The following ALG12 variants were observed in gnomAD, a reference collection of about 807,000 sequenced individuals.
ALG12 encodes the protein dol-P-Man:Man(7)GlcNAc(2)-PP-Dol alpha-1,6-mannosyltransferase.
In ALG12, 36 loss-of-function variants were observed where a neutral mutation model predicts 46.0. That is an observed-to-expected ratio of 0.78 (90% CI 0.60 to 1.03). ALG12 has a LOEUF of 1.03. Among genes scored for constraint, ALG12 ranks in the 50% least tolerant of loss-of-function variants. ALG12 has a pLI of 0.00. For missense variants in ALG12, 599 were observed against 633.5 expected (o/e 0.95, Z 0.58); for synonymous variants, 326 against 291.6 (o/e 1.12, Z -1.20).
At chr22:49,879,297 T>C in the ALG12 span, among the ~76,000 whole-genome samples, 3 of 150,412 alleles carry the variant, frequency 2.0e-5, no homozygotes, top group African/African-American at 7.4e-5. Flanking sequence ...GCTAATTTTT[T>C]TGTATTTTTA....
chr22:49,914,891 C>T (rs944629955), intron 1 of ALG12, among the ~76,000 whole-genome samples: 39 of 152,192 alleles, frequency 2.6e-4, no homozygotes, highest in African/African-American at 9.4e-4. Flanking sequence ...CCACACTCAG[C>T]TAAGTTTTCT....
intron 3 of ALG12, among the ~76,000 whole-genome samples, 198 bp downstream of exon 3, chr22:49,913,187 T>G (rs2060589366): frequency 6.6e-6 from 1 of 152,112 alleles, no homozygotes; most frequent in South Asian, 2.1e-4. Flanking sequence ...CAGTCAAGAG[T>G]GTGGAGGCAC....
At chr22:49,879,872 TC>T in the ALG12 span, among the ~76,000 whole-genome samples, 1 of 70,142 alleles carries the variant, frequency 1.4e-5, no homozygotes, top group Non-Finnish European at 3.1e-5. Flanking sequence ...GGTTGGTTTT[TC>T]TCCTGGTCAG....
At chr22:49,861,756 T>C in the ALG12 span, among the ~76,000 whole-genome samples, 1 of 152,236 alleles carries the variant, frequency 6.6e-6, no homozygotes, top group South Asian at 2.1e-4. Context: ...CTGGTTTTTC[T>C]GCTCAGCACA....
At chr22:49,879,490 T>G in the ALG12 span, among the ~76,000 whole-genome samples, 4 of 151,742 alleles carry the variant, frequency 2.6e-5, no homozygotes, top group Non-Finnish European at 5.9e-5. Context: ...CACCACTATA[T>G]CCGCTCTTAC....
At chr22:49,895,922 T>C (rs9616363), downstream of ALG12, among the ~76,000 whole-genome samples, 11,794 of 152,256 alleles carry the variant, frequency 0.077, 557 homozygotes, top group South Asian at 0.12. Flanking sequence ...ATCAGTCCAC[T>C]TGGCAGTCTT....
At chr22:49,914,571 G>T (rs1384948454) in intron 1 of ALG12, among the ~76,000 whole-genome samples, 1 of 152,210 alleles carries the variant, frequency 6.6e-6, no homozygotes, top group Admixed American at 6.5e-5. Flanking sequence ...TGAGAGGCCA[G>T]CAACATGTCC....
intron 3 of ALG12, among the ~76,000 whole-genome samples, chr22:49,912,524 G>A (rs982421527): frequency 3.9e-5 from 6 of 152,088 alleles, no homozygotes; most frequent in African/African-American, 1.4e-4. Flanking sequence ...AGCTGTCCCC[G>A]TGCCATGGTG....
the ALG12 span, among the ~76,000 whole-genome samples, chr22:49,874,346 G>A: frequency 1.3e-3 from 197 of 152,064 alleles, 2 homozygotes; most frequent in Middle Eastern, 0.017. Context: ...ATCGAATGAC[G>A]TGCCCATATG....
At chr22:49,870,562 C>T in the ALG12 span, among the ~76,000 whole-genome samples, 1 of 152,234 alleles carries the variant, frequency 6.6e-6, no homozygotes, top group African/African-American at 2.4e-5. Context: ...TTGATTTGCA[C>T]TTCTCTGATG....
At chr22:49,880,329 T>A in the ALG12 span, among the ~76,000 whole-genome samples, 1 of 152,216 alleles carries the variant, frequency 6.6e-6, no homozygotes, top group Admixed American at 6.5e-5. Context: ...TTTCCTCAAA[T>A]GCAGATGCAG....
chr22:49,866,397 TA>T, the ALG12 span, among the ~76,000 whole-genome samples: 6 of 152,082 alleles, frequency 3.9e-5, no homozygotes, highest in Middle Eastern at 3.4e-3. Context: ...TCTTTTTCAT[TA>T]AAAAAAATTG....
the ALG12 span, among the ~76,000 whole-genome samples, chr22:49,876,041 G>T: frequency 6.7e-6 from 1 of 148,236 alleles, no homozygotes; most frequent in Non-Finnish European, 1.5e-5. Context: ...TTTTTTCTTT[G>T]ATACTGCGTG....
chr22:49,882,417 C>CA, the ALG12 span, among the ~76,000 whole-genome samples: 4 of 152,016 alleles, frequency 2.6e-5, no homozygotes, highest in Non-Finnish European at 4.4e-5. Context: ...TCCGTCTCTT[C>CA]AAAAAAAGTT....
rs1273041562 is a variant in ALG12 at position 49,903,845 on chromosome 22, GGCCGGGGGA to G, written c.1451_1459del (p.Leu484_Arg486del). ...AGGGCTGCCTGGTCCCCCTCAGGAC[GGCCGGGGGA>G]GCCTCTCCAGAAGCACCAGCTTTGT... On this transcript the variant is annotated inframe_deletion, in exon 10 of 10. Coordinates refer to ENST00000330817, the MANE Select transcript of ALG12 (RefSeq NM_024105.4). 1.9e-6 allele frequency: 3 copies of G among 1,614,082 alleles called. No individual in the cohort carries two copies. The African/African-American group carries it at 4.0e-5, about 22-fold the overall frequency.
At chr22:49,862,991 C>T in the ALG12 span, among the ~76,000 whole-genome samples, 18 of 152,212 alleles carry the variant, frequency 1.2e-4, no homozygotes, top group Admixed American at 2.6e-4. Context: ...TGTGAGCCAC[C>T]GCACCCGGCC....
At chr22:49,884,166 G>T in the ALG12 span, 1 of 1,612,688 alleles carries the variant, frequency 6.2e-7, no homozygotes, top group Non-Finnish European at 8.5e-7. Context: ...ACCCGACCGT[G>T]CTCATTCAGG....
rs1444249439 is a variant in ALG12 at position 49,903,585 on chromosome 22, C to T, written c.*253G>A. 2 of 667,272 alleles carry T rather than the reference C, an allele frequency of 3.0e-6. No homozygotes were observed. The highest frequency in any genetic ancestry group is 2.1e-5 in the Admixed American group (1 of 48,690). The allele number at this position is 667,272 out of a possible 1,614,324, so 41.3% of individuals were successfully genotyped here. On this transcript the variant is annotated 3_prime_UTR_variant, in exon 10 of 10. Transcript: ENST00000330817. ...ACAGTCACCCGCAGGAAGCCCTGAGCTGGCCACCATCACCCTGGGCAGTGG... is the reference window on the plus strand; with the variant it reads ...ACAGTCACCCGCAGGAAGCCCTGAGTTGGCCACCATCACCCTGGGCAGTGG...
At chr22:49,884,975 C>T in the ALG12 span, 1 of 1,613,492 alleles carries the variant, frequency 6.2e-7, no homozygotes, top group East Asian at 2.2e-5. Flanking sequence ...GGGCTGAGTC[C>T]TAGATTGTTT....
Sources: allele counts gnomAD v4.1 joint callset (sites outside exome capture counted in the v4.1 genomes callset), GRCh38; gene constraint gnomAD v4.1.1; transcripts MANE v1.5; gene names NCBI Gene and HGNC (gene_info 2026-07-23, HGNC 2026-07-21).